ADAMTS19: variants seen among roughly 807,000 people sequenced by gnomAD.
The protein encoded by ADAMTS19 is ADAM metallopeptidase with thrombospondin type 1 motif 19, also known as A disintegrin and metalloproteinase with thrombospondin motifs 19.
In ADAMTS19, 93 loss-of-function variants were observed where a neutral mutation model predicts 153.3. The observed-to-expected ratio is 0.61, with a 90% CI of 0.51 to 0.72. The LOEUF is 0.72. ADAMTS19 is among the 30% of genes least tolerant of loss of function. The pLI, the probability that ADAMTS19 is intolerant of heterozygous loss-of-function variation, is 0.00. For missense variants in ADAMTS19, 1,482 were observed against 1,552.1 expected, an observed-to-expected ratio of 0.95 and a Z score of 0.76; for synonymous variants, 600 against 556.6, an observed-to-expected ratio of 1.08 and a Z score of -1.10.
At chr5:129,593,979 C>T (rs1435382727) in intron 7 of ADAMTS19, among the ~76,000 whole-genome samples, 1 of 152,152 alleles carries the variant, frequency 6.6e-6, no homozygotes, top group African/African-American at 2.4e-5. Context: ...TTGCCTCCTT[C>T]TTCACTCAGA....
intron 7 of ADAMTS19, among the ~76,000 whole-genome samples, chr5:129,561,819 A>ATTATCTAT (rs138761227): frequency 6.8e-6 from 1 of 148,060 alleles, no homozygotes; most frequent in Admixed American, 6.8e-5. Context: ...ATTTCACCCT[A>ATTATCTAT]CTATCTATCT....
chr5:129,735,100 C>A lies in ADAMTS19; in HGVS notation c.3481C>A (p.Pro1161Thr), dbSNP rs1328156885. 1.9e-6 allele frequency: 3 copies of A among 1,586,286 alleles called. No homozygotes were observed. The highest frequency in any genetic ancestry group is 2.6e-6 in the Non-Finnish European group (3 of 1,169,690). ...EKINVNTITS[P>T]RLAALTFKCL... is the part of the protein sequence containing the mutation. ...AATTAATGTAAATACCATAACATCA[C>A]CCAGACTGGGTAAGCAGACAAAAAA... Residue 1161 changes from proline to threonine, a missense_variant, in exon 22 of 23, where the codon CCC (proline) becomes ACC (threonine). Pro to Thr is a conservative substitution (Grantham distance 38). Around this residue, in one of 2 missense-constraint regions of ADAMTS19, gnomAD observed 616 missense variants for 724.4 expected, o/e 0.85. Transcript: ENST00000274487.
In ADAMTS19 at chr5:129,664,206, T is replaced by C. The variant is rs369650908; in HGVS notation, c.2426-1293T>C. Among the ~76,000 whole-genome samples, 110 of 152,330 alleles carry C rather than the reference T, an allele frequency of 7.2e-4. 2 individuals carry two copies. In the South Asian group the frequency reaches 0.022, roughly 31 times the overall value. On this transcript the variant is annotated intron_variant, in intron 15 of 22. Coordinates refer to ENST00000274487, the MANE Select transcript of ADAMTS19 (RefSeq NM_133638.6). ...TCAGCAGAGAATTAACCATATCATT[T>C]TGCATATTACCTTTTTAACATGATA...
chr5:129,728,389 T>A (rs963684768), intron 21 of ADAMTS19, among the ~76,000 whole-genome samples: 4 of 152,158 alleles, frequency 2.6e-5, no homozygotes, highest in Non-Finnish European at 5.9e-5. Flanking sequence ...TACTTTAAGT[T>A]TTAGGGTACA....
At chr5:129,574,342 G>A (rs77219023) in intron 7 of ADAMTS19, among the ~76,000 whole-genome samples, 5,779 of 151,736 alleles carry the variant, frequency 0.038, 344 homozygotes, top group African/African-American at 0.13. Flanking sequence ...CGTGCAGAAC[G>A]TGCAGGTGTG....
intron 7 of ADAMTS19, among the ~76,000 whole-genome samples, chr5:129,576,711 ACT>A (rs1295636543): frequency 6.6e-6 from 1 of 151,000 alleles, no homozygotes; most frequent in Non-Finnish European, 1.5e-5. Flanking sequence ...TTCTTTCACT[ACT>A]CTCTGAAACT....
chr5:129,700,616 C>T (rs1207694674), intron 19 of ADAMTS19, among the ~76,000 whole-genome samples: 2 of 152,078 alleles, frequency 1.3e-5, no homozygotes, highest in South Asian at 2.1e-4. Flanking sequence ...CTGAGCTTCC[C>T]TTTCTGTAAA....
At chr5:129,699,464 A>G (rs1755729719) in intron 19 of ADAMTS19, among the ~76,000 whole-genome samples, 1 of 151,982 alleles carries the variant, frequency 6.6e-6, no homozygotes, top group Non-Finnish European at 1.5e-5. Context: ...ATCAAAACCT[A>G]TTATGTAAAA....
chr5:129,614,581 A>C (rs1214798605), intron 8 of ADAMTS19, among the ~76,000 whole-genome samples: 2 of 152,178 alleles, frequency 1.3e-5, no homozygotes, highest in Admixed American at 6.5e-5. Flanking sequence ...CCAATATCAT[A>C]CTGAATGGGC....
chr5:129,665,699 C>T, intron 16 of ADAMTS19, 120 bp downstream of exon 16: 3 of 766,164 alleles, frequency 3.9e-6, no homozygotes, highest in East Asian at 3.2e-5. Context: ...TTCCCAGGAA[C>T]TATCTTTTGT....
chr5:129,650,482 G>T (rs1363426888), intron 13 of ADAMTS19, among the ~76,000 whole-genome samples: 2 of 152,098 alleles, frequency 1.3e-5, no homozygotes, highest in African/African-American at 4.8e-5. Flanking sequence ...CACTACTAGT[G>T]GTGGTGGGGG....
chr5:129,492,622 G>T (rs1287772992), intron 2 of ADAMTS19, among the ~76,000 whole-genome samples: 1 of 151,650 alleles, frequency 6.6e-6, no homozygotes, highest in Non-Finnish European at 1.5e-5. Flanking sequence ...AAAAAAAAGA[G>T]GGACTTGCTT....
chr5:129,661,388 C>T lies in ADAMTS19; in HGVS notation c.2425+2651C>T, dbSNP rs1753807754. Among the ~76,000 whole-genome samples the T allele has an allele frequency of 2.0e-5, 3 of 152,324 alleles. No homozygotes were observed. In the South Asian group the frequency reaches 6.2e-4, roughly 32 times the overall value. On this transcript the variant is annotated intron_variant, in intron 15 of 22. Coordinates refer to ENST00000274487, the MANE Select transcript of ADAMTS19 (RefSeq NM_133638.6). ...TCTGCATGAGTTATTAATTCTATCACAGGCACCATCTACTTTTGACTTCAG... is the reference window on the plus strand; with the variant it reads ...TCTGCATGAGTTATTAATTCTATCATAGGCACCATCTACTTTTGACTTCAG...
chr5:129,552,672 C>G (rs1753166263), intron 7 of ADAMTS19, among the ~76,000 whole-genome samples: 1 of 151,602 alleles, frequency 6.6e-6, no homozygotes, highest in African/African-American at 2.4e-5. Flanking sequence ...TTTAACTTGA[C>G]CATTTTGTTG....
intron 11 of ADAMTS19, among the ~76,000 whole-genome samples, chr5:129,645,290 T>C (rs1212455961): frequency 6.6e-6 from 1 of 152,214 alleles, no homozygotes; most frequent in Non-Finnish European, 1.5e-5. Flanking sequence ...ATCATGCTGC[T>C]CTCCATAATA....
At chr5:129,665,192 C>T (rs1370971911) in intron 15 of ADAMTS19, among the ~76,000 whole-genome samples, 2 of 149,696 alleles carry the variant, frequency 1.3e-5, no homozygotes, top group Non-Finnish European at 3.0e-5. Flanking sequence ...TGTTTCTAAC[C>T]AGGCTGTTCC....
In ADAMTS19 at chr5:129,703,896, T is replaced by C. The variant is rs182320937; in HGVS notation, c.3160-343T>C. On this transcript the variant is annotated intron_variant, in intron 20 of 22. Transcript: ENST00000274487. ...TTAGAAAAAGTAAAATGAATTTTTT[T>C]ACATAATTATGTTTAAAATGTGATA... Among the ~76,000 whole-genome samples, 372 of 152,318 alleles carry C rather than the reference T, an allele frequency of 2.4e-3. 1 individual carries two copies. The highest frequency in any genetic ancestry group is 4.3e-3 in the Non-Finnish European group (290 of 68,026).
At chr5:129,658,309 AAAAGAAAG>A (rs150048700) in intron 14 of ADAMTS19, among the ~76,000 whole-genome samples, 32,079 of 112,962 alleles carry the variant, frequency 0.28, 5,080 homozygotes, top group Non-Finnish European at 0.34. Context: ...GAAAGAAAGA[AAAAGAAAG>A]AAAGAAAGAA....
intron 7 of ADAMTS19, among the ~76,000 whole-genome samples, chr5:129,572,060 T>C (rs1438119218): frequency 1.3e-5 from 2 of 151,908 alleles, no homozygotes; most frequent in Non-Finnish European, 2.9e-5. Context: ...AGAGAAAATC[T>C]TGATGACCTT....
Sources: gnomAD v4.1 joint callset for allele counts (sites outside exome capture counted in the v4.1 genomes callset) on GRCh38, gnomAD v4.1.1 for gene constraint, gnomAD v4.1.1 regional missense constraint, MANE v1.5 for transcripts, NCBI Gene and HGNC (gene_info 2026-07-23, HGNC 2026-07-21) for gene names.